HNRNPUL2: variants seen among roughly 807,000 people sequenced by gnomAD.
HNRNPUL2 encodes the protein heterogeneous nuclear ribonucleoprotein U-like protein 2.
Under a neutral mutation model 102.2 loss-of-function variants are expected in HNRNPUL2, and 27 were observed. The ratio of observed to expected loss-of-function variants is 0.26; its 90% confidence interval spans 0.19 to 0.36. HNRNPUL2 has a LOEUF of 0.36. Among genes scored for constraint, HNRNPUL2 ranks in the 10% least tolerant of loss-of-function variants. The probability of loss-of-function intolerance (pLI) is 1.00; values close to 1 mark genes in which losing one functional copy is unlikely to be tolerated. For missense variants in HNRNPUL2, 936 were observed against 981.1 expected (o/e 0.95, Z 0.61); for synonymous variants, 458 against 387.2 (o/e 1.18, Z -2.15).
intron 10 of HNRNPUL2, among the ~76,000 whole-genome samples, chr11:62,717,626 C>G (rs2083670348): frequency 6.6e-6 from 1 of 152,164 alleles, no homozygotes; most frequent in Admixed American, 6.5e-5. Context: ...GAGGCCAAGG[C>G]AGGCGGACTG....
At chr11:62,726,576 G>A in intron 1 of HNRNPUL2, 43 bp downstream of exon 1, 4 of 1,476,934 alleles carry the variant, frequency 2.7e-6, no homozygotes, top group Non-Finnish European at 2.7e-6. Context: ...GATCAGGGGC[G>A]CAGCCGGCAG....
chr11:62,726,341 CCACAGGTAGCT>C (rs1029612063), intron 1 of HNRNPUL2, among the ~76,000 whole-genome samples: 1 of 152,166 alleles, frequency 6.6e-6, no homozygotes, highest in African/African-American at 2.4e-5. Flanking sequence ...GGAGACTGTT[CCACAGGTAGCT>C]CACAAGTAGT....
rs2083720903 is a variant in HNRNPUL2 at position 62,723,592 on chromosome 11, C to T, written c.886G>A (p.Ala296Thr). 6.2e-7 allele frequency: 1 copy of T among 1,604,282 alleles called. No homozygotes were observed. The highest frequency in any genetic ancestry group is 8.5e-7 in the Non-Finnish European group (1 of 1,174,986). Residue 296 changes from alanine (A) to threonine (T), a missense_variant, in exon 4 of 14, where the codon GCA (alanine) becomes ACA (threonine). This residue lies in a region of HNRNPUL2 where 609 missense variants were observed against 713.0 expected (regional missense o/e 0.85). Coordinates refer to ENST00000301785, the MANE Select transcript of HNRNPUL2 (RefSeq NM_001079559.3). ...GVTKGKVCFE[A>T]KVTQNLPMKE... is the part of the protein sequence containing the mutation. ...GAATGGTCTTAATGAGCTACCTTTG[C>T]CTCAAAGCAGACTTTTCCCTTTGTC...
intron 9 of HNRNPUL2, among the ~76,000 whole-genome samples, chr11:62,720,414 G>A (rs1325274884): frequency 1.3e-5 from 2 of 152,024 alleles, no homozygotes; most frequent in Non-Finnish European, 1.5e-5. Context: ...GCATGATGGT[G>A]GGTGCTGTAA....
chr11:62,727,228 GCGCCGCCGCCGCCGCC>G lies in HNRNPUL2; in HGVS notation c.-88_-73del. On this transcript the variant is annotated 5_prime_UTR_variant, in exon 1 of 14. Coordinates refer to ENST00000301785, the MANE Select transcript of HNRNPUL2 (RefSeq NM_001079559.3). ...CCGTCGACCGAGTCCGACCGCGCAG[GCGCCGCCGCCGCCGCC>G]CGCCTCCGCCTCACGCGCCAGCACT... 1 of 1,298,120 alleles carries G rather than the reference GCGCCGCCGCCGCCGCC, an allele frequency of 7.7e-7. No individual in the cohort carries two copies. The highest frequency in any genetic ancestry group is 2.0e-5 in the South Asian group (1 of 49,608). 80.4% of individuals were successfully genotyped at this position (1,298,120 alleles called of 1,614,324 possible).
intron 7 of HNRNPUL2, 42 bp from the exon 8 acceptor site, chr11:62,721,984 G>A (rs931076511): frequency 5.6e-6 from 9 of 1,611,240 alleles, no homozygotes; most frequent in East Asian, 2.2e-5. Context: ...AAATAAATGA[G>A]GGTCATGTTT....
At chr11:62,724,062 C>A in intron 2 of HNRNPUL2, 72 bp from the exon 3 acceptor site, 1 of 1,294,364 alleles carries the variant, frequency 7.7e-7, no homozygotes, top group Non-Finnish European at 1.1e-6. Flanking sequence ...GTGTGTATGA[C>A]ATTATGTCCA....
In HNRNPUL2 at chr11:62,715,512, T is replaced by A; in HGVS notation, c.2151A>T (p.Gln717His). ...AGAAGATACTCACATCCCGATTGTA[T>A]TGTCTGTAATAGTCTCTGTATCTGT... The part of the protein sequence containing the change: ...EYNRYRDYYR[Q>H]YNRDWQSYYY... Residue 717 changes from glutamine to histidine, a missense_variant, in exon 13 of 14, where the codon CAA becomes CAT. By Grantham distance (24) the Gln-to-His change is conservative. This residue lies in a region of HNRNPUL2 where 609 missense variants were observed against 713.0 expected (regional missense o/e 0.85). Coordinates refer to ENST00000301785, the MANE Select transcript of HNRNPUL2 (RefSeq NM_001079559.3). The A allele has an allele frequency of 6.2e-7, 1 of 1,610,564 alleles. No individual in the cohort carries two copies. The highest frequency in any genetic ancestry group is 8.5e-7 in the Non-Finnish European group (1 of 1,176,942).
Position 62,717,037 on chromosome 11 carries a change from T to A in HNRNPUL2, c.1933A>T (p.Asn645Tyr), listed in dbSNP as rs2083665402. Reference sequence around the variant, plus strand: ...TTCTGCCGGTTACGCTTGTTTCGGTTGTTTCGGCGATTTGTCCGCTTCTCG... The same window carrying A: ...TTCTGCCGGTTACGCTTGTTTCGGTAGTTTCGGCGATTTGTCCGCTTCTCG... ...PSEKRTNRRN[N>Y]RNKRNRQNRS... Residue 645 changes from asparagine to tyrosine, a missense_variant, in exon 11 of 14, where the codon AAC (asparagine) becomes TAC (tyrosine). Asn to Tyr is a moderately radical substitution (Grantham distance 143). This residue lies in a region of HNRNPUL2 where 609 missense variants were observed against 713.0 expected (regional missense o/e 0.85). Coordinates refer to ENST00000301785, the MANE Select transcript of HNRNPUL2 (RefSeq NM_001079559.3). The A allele has an allele frequency of 1.9e-6, 3 of 1,613,978 alleles. No individual in the cohort carries two copies. Among genetic ancestry groups the A allele is most frequent in the Non-Finnish European group, 2.5e-6 (3 of 1,180,004 alleles).
In HNRNPUL2 at chr11:62,715,561, A is replaced by G; in HGVS notation, c.2102T>C (p.Phe701Ser). 6.2e-7 allele frequency: 1 copy of G among 1,613,424 alleles called. No individual in the cohort carries two copies. The highest frequency in any genetic ancestry group is 8.5e-7 in the Non-Finnish European group (1 of 1,179,466). The change falls in exon 13 of 14, where the codon TTT becomes TCT. Residue 701 changes from phenylalanine to serine, a missense_variant. By Grantham distance (155) the Phe-to-Ser change is radical. Coordinates refer to ENST00000301785, the MANE Select transcript of HNRNPUL2 (RefSeq NM_001079559.3). ...YDRYRGDYDR[F>S]YGRDYEYNRY... is the part of the protein sequence containing the mutation. ...GTTGTACTCATAATCTCGCCCGTAA[A>G]ATCGATCATAGTCTCCCCTGTATCG... is the stretch of plus-strand genomic sequence containing the variant.
intron 10 of HNRNPUL2, among the ~76,000 whole-genome samples, chr11:62,718,530 G>A (rs954907285): frequency 6.6e-6 from 1 of 151,718 alleles, no homozygotes; most frequent in Non-Finnish European, 1.5e-5. Flanking sequence ...GCGAAACCCT[G>A]TCTCTACTAA....
intron 1 of HNRNPUL2, among the ~76,000 whole-genome samples, chr11:62,725,871 G>A (rs1477154498): frequency 1.3e-5 from 2 of 152,144 alleles, no homozygotes; most frequent in African/African-American, 4.8e-5. Flanking sequence ...TACCATTCAG[G>A]AACCGAGGGA....
intron 10 of HNRNPUL2, among the ~76,000 whole-genome samples, chr11:62,717,452 C>G (rs1381826127): frequency 1.3e-5 from 2 of 152,298 alleles, no homozygotes; most frequent in East Asian, 1.9e-4. Context: ...TAGGAGTGAA[C>G]TGGGTTAAAG....
chr11:62,722,151 G>GTGC lies in HNRNPUL2; in HGVS notation c.1322_1324dup (p.Arg441_Thr442insSer). On this transcript the variant is annotated inframe_insertion, in exon 7 of 14. Coordinates refer to ENST00000301785, the MANE Select transcript of HNRNPUL2 (RefSeq NM_001079559.3). ...CTCTATGGTCTTGGGAGGGACTGCA[G>GTGC]TGCGTACACGCTCCTCAACAGGCAC... The GTGC allele has an allele frequency of 6.2e-7, 1 of 1,614,110 alleles. No homozygotes were observed. The highest frequency in any genetic ancestry group is 8.5e-7 in the Non-Finnish European group (1 of 1,180,018).
Position 62,727,322 on chromosome 11 carries a change from C to T in HNRNPUL2, c.-166G>A. ...CAGGAGCGGAGGCCGCGCACGGTCC[C>T]GCTGCGCAGTGTTTGCTTCTCCTTC... On this transcript the variant is annotated 5_prime_UTR_variant, in exon 1 of 14. Transcript: ENST00000301785. 1.1e-6 allele frequency: 1 copy of T among 869,702 alleles called. No individual in the cohort carries two copies. Among genetic ancestry groups the T allele is most frequent in the Non-Finnish European group, 1.5e-6 (1 of 666,458 alleles). 53.9% of individuals were successfully genotyped at this position (869,702 alleles called of 1,614,324 possible). A position where few individuals can be genotyped will look rare whatever the true frequency, so the allele number is the denominator to read the frequency against.
rs2083765912 is a variant in HNRNPUL2 at position 62,727,337 on chromosome 11, G to C, written c.-181C>G. The C allele has an allele frequency of 1.3e-6, 1 of 744,826 alleles. No individual in the cohort carries two copies. The highest frequency in any genetic ancestry group is 1.8e-6 in the Non-Finnish European group (1 of 554,280). The allele number at this position is 744,826 out of a possible 1,614,324, so 46.1% of individuals were successfully genotyped here. ...CGCACGGTCCCGCTGCGCAGTGTTTGCTTCTCCTTCGTCTCCCCTCCCCCT... is the reference window on the plus strand; with the variant it reads ...CGCACGGTCCCGCTGCGCAGTGTTTCCTTCTCCTTCGTCTCCCCTCCCCCT... On this transcript the variant is annotated 5_prime_UTR_variant, in exon 1 of 14. Coordinates refer to ENST00000301785, the MANE Select transcript of HNRNPUL2 (RefSeq NM_001079559.3).
chr11:62,714,144 C>CG lies in HNRNPUL2; in HGVS notation c.*1154_*1155insC, dbSNP rs1829720368. The CG allele has an allele frequency of 2.0e-5, 3 of 148,624 alleles. No homozygotes were observed. The highest frequency in any genetic ancestry group is 2.0e-4 in the Admixed American group (3 of 14,954). The allele number at this position is 148,624 out of a possible 1,614,324, so 9.2% of individuals were successfully genotyped here. ...CCCACTGAGCTGCCTCCCACCCCCC[C>CG]CCACCACCCTCCCCTCTTCTATTCA... is the stretch of plus-strand genomic sequence containing the variant. On this transcript the variant is annotated 3_prime_UTR_variant, in exon 14 of 14. Transcript: ENST00000301785.
In HNRNPUL2 at chr11:62,715,912, G is replaced by C. The variant is rs371770781; in HGVS notation, c.2007C>G (p.Asp669Glu). The change falls in exon 12 of 14, where the codon GAC (aspartate) becomes GAG (glutamate). Residue 669 changes from aspartate (D) to glutamate (E), a missense_variant. Physicochemically the swap from Asp to Glu is conservative, Grantham distance 45 (BLOSUM62 2). This residue lies in a region of HNRNPUL2 where 609 missense variants were observed against 713.0 expected (regional missense o/e 0.85). Transcript: ENST00000301785. ...AGTACTGCTGCCCGTAGGCCCGGTT[G>C]TCGTAGCCTCGGCGCTGCCCGCCCA... The part of the protein sequence containing the change: ...GYVGGQRRGY[D>E]NRAYGQQYWG... The C allele has an allele frequency of 9.9e-6, 16 of 1,610,756 alleles. No individual in the cohort carries two copies. Among genetic ancestry groups the C allele is most frequent in the Non-Finnish European group, 1.4e-5 (16 of 1,178,510 alleles).
Position 62,719,189 on chromosome 11 carries a change from C to A in HNRNPUL2, c.1780+834G>T, listed in dbSNP as rs557042973. ...AGGCGGCTAGGCACAGCGGCGTATGCCTATAATCTAAGCACTTTAGGAGAC... is the reference window on the plus strand; with the variant it reads ...AGGCGGCTAGGCACAGCGGCGTATGACTATAATCTAAGCACTTTAGGAGAC... On this transcript the variant is annotated intron_variant, in intron 10 of 13. Coordinates refer to ENST00000301785, the MANE Select transcript of HNRNPUL2 (RefSeq NM_001079559.3). 2.0e-5 allele frequency among the ~76,000 whole-genome samples: 3 copies of A among 152,268 alleles called. No individual in the cohort carries two copies. In the South Asian group the frequency reaches 6.2e-4, roughly 32 times the overall value.
Sources: gnomAD v4.1 joint callset for allele counts (sites outside exome capture counted in the v4.1 genomes callset) on GRCh38, gnomAD v4.1.1 for gene constraint, gnomAD v4.1.1 regional missense constraint, MANE v1.5 for transcripts, NCBI Gene and HGNC (gene_info 2026-07-23, HGNC 2026-07-21) for gene names.